Variants in FOXP1 observed in about 807,000 individuals in gnomAD.
FOXP1 encodes forkhead box protein P1.
Under a neutral mutation model 98.2 loss-of-function variants are expected in FOXP1, and 15 were observed. That is an observed-to-expected ratio of 0.15 (90% CI 0.10 to 0.24). The LOEUF (loss-of-function observed/expected upper bound fraction) is 0.24, where lower values mean the gene tolerates loss of function less well. Ranked by LOEUF, FOXP1 falls within the 10% of genes least tolerant of loss-of-function variation. FOXP1 has a pLI of 1.00. For missense variants in FOXP1, 633 were observed against 848.5 expected (o/e 0.75, Z 3.15); for synonymous variants, 371 against 314.5 (o/e 1.18, Z -1.90).
Position 71,470,334 on chromosome 3 carries a change from G to A in FOXP1, c.-168+23092C>T, listed in dbSNP as rs548324458. On this transcript the variant is annotated intron_variant, in intron 3 of 20. Coordinates refer to ENST00000649528, the MANE Select transcript of FOXP1 (RefSeq NM_001349338.3). ...TCAGTTAATTTGTACAAAGAGCTTAGTGGAATACCTAATACACAGCTAAGA... is the reference window on the plus strand; with the variant it reads ...TCAGTTAATTTGTACAAAGAGCTTAATGGAATACCTAATACACAGCTAAGA... Among the ~76,000 whole-genome samples, 4 of 152,344 alleles carry A rather than the reference G, an allele frequency of 2.6e-5. No homozygotes were observed. In the East Asian group the frequency reaches 5.8e-4, roughly 22 times the overall value.
intron 11 of FOXP1, among the ~76,000 whole-genome samples, chr3:71,027,111 G>A (rs1288797915): frequency 6.6e-6 from 1 of 152,088 alleles, no homozygotes; most frequent in Admixed American, 6.5e-5. Flanking sequence ...TACAGACATA[G>A]GGATCACTAA....
chr3:70,975,061 G>T (rs1388389941), intron 17 of FOXP1, among the ~76,000 whole-genome samples: 1 of 152,150 alleles, frequency 6.6e-6, no homozygotes, highest in East Asian at 1.9e-4. Context: ...GACACGTACA[G>T]AAAATTATAC....
At chr3:71,215,024 C>A (rs979648327) in intron 5 of FOXP1, among the ~76,000 whole-genome samples, 2 of 152,200 alleles carry the variant, frequency 1.3e-5, no homozygotes, top group African/African-American at 4.8e-5. Context: ...GTTAGATATG[C>A]AAATTCCTGA....
rs141718186 is a variant in FOXP1 at position 71,266,523 on chromosome 3, A to T, written c.-12+33297T>A. ...CACCTCAGCTTCCCAAAGTGCTGAG[A>T]TTACAGGCATGAGCCACTGCGCCTG... On this transcript the variant is annotated intron_variant, in intron 5 of 20. Transcript: ENST00000649528. Among the ~76,000 whole-genome samples the T allele has an allele frequency of 0.012, 1,861 of 152,284 alleles. 96 individuals are homozygous for T. The East Asian group carries it at 0.18, about 15-fold the overall frequency.
At chr3:71,530,873 A>G (rs1079409) in intron 2 of FOXP1, among the ~76,000 whole-genome samples, 1 of 151,790 alleles carries the variant, frequency 6.6e-6, no homozygotes, top group Non-Finnish European at 1.5e-5. Flanking sequence ...GAAGAAAACT[A>G]CCCCCCAACC....
At chr3:71,555,794 G>A (rs1235247463) in intron 2 of FOXP1, among the ~76,000 whole-genome samples, 1 of 151,966 alleles carries the variant, frequency 6.6e-6, no homozygotes, top group Non-Finnish European at 1.5e-5. Flanking sequence ...TTATAGAGAA[G>A]TATTATTTAA....
chr3:71,234,449 AT>A, intron 5 of FOXP1, among the ~76,000 whole-genome samples: 1 of 152,318 alleles, frequency 6.6e-6, no homozygotes, highest in East Asian at 1.9e-4. Context: ...ACAATAAAAT[AT>A]GGGTGAGTGG....
At chr3:71,213,670 G>T (rs2064683071) in intron 5 of FOXP1, among the ~76,000 whole-genome samples, 1 of 152,080 alleles carries the variant, frequency 6.6e-6, no homozygotes, top group Non-Finnish European at 1.5e-5. Flanking sequence ...ACAAAAATTA[G>T]CCGGGTGTGC....
At chr3:71,192,141 A>G (rs1424446391) in intron 6 of FOXP1, among the ~76,000 whole-genome samples, 2 of 152,226 alleles carry the variant, frequency 1.3e-5, no homozygotes, top group African/African-American at 4.8e-5. Flanking sequence ...GTCAGCATCA[A>G]GAGACCCTCC....
At chr3:71,045,265 T>C (rs1376402021) in intron 10 of FOXP1, among the ~76,000 whole-genome samples, 1 of 152,222 alleles carries the variant, frequency 6.6e-6, no homozygotes. Context: ...CCAGTGTCTC[T>C]GATATGTTAC....
intron 3 of FOXP1, among the ~76,000 whole-genome samples, chr3:71,469,002 C>A (rs1161170750): frequency 6.6e-6 from 1 of 152,150 alleles, no homozygotes; most frequent in Non-Finnish European, 1.5e-5. Context: ...ACTTCCAACT[C>A]AGAGCAATTC....
At chr3:71,416,002 C>A (rs894912685) in intron 3 of FOXP1, among the ~76,000 whole-genome samples, 1 of 152,186 alleles carries the variant, frequency 6.6e-6, no homozygotes, top group Non-Finnish European at 1.5e-5. Context: ...GATAGACCAA[C>A]TACTATCAAT....
At chr3:71,314,074 T>G (rs184282884) in intron 4 of FOXP1, among the ~76,000 whole-genome samples, 10 of 152,158 alleles carry the variant, frequency 6.6e-5, no homozygotes, top group Admixed American at 6.5e-4. Flanking sequence ...TTTGCTTTTG[T>G]AGAATAAATG....
intron 4 of FOXP1, among the ~76,000 whole-genome samples, chr3:71,347,930 A>G (rs1017011869): frequency 6.6e-6 from 1 of 152,106 alleles, no homozygotes; most frequent in Non-Finnish European, 1.5e-5. Flanking sequence ...ACAGGGATAC[A>G]GTCCAAGAGC....
At chr3:71,520,713 G>A (rs557001811) in intron 2 of FOXP1, among the ~76,000 whole-genome samples, 35 of 152,276 alleles carry the variant, frequency 2.3e-4, no homozygotes, top group African/African-American at 7.0e-4. Flanking sequence ...GAAACCTGTC[G>A]GTCTTGTGTC....
intron 6 of FOXP1, among the ~76,000 whole-genome samples, chr3:71,170,877 A>G (rs1306888198): frequency 6.6e-6 from 1 of 152,164 alleles, no homozygotes; most frequent in East Asian, 1.9e-4. Context: ...TCCAGCCACA[A>G]TGAATTCAAA....
At chr3:71,322,563 T>C (rs978956754) in intron 4 of FOXP1, among the ~76,000 whole-genome samples, 2 of 152,154 alleles carry the variant, frequency 1.3e-5, no homozygotes, top group African/African-American at 4.8e-5. Flanking sequence ...TTCATTTTTA[T>C]AGGACAGAAA....
At chr3:71,148,249 C>A (rs2060408446) in intron 6 of FOXP1, among the ~76,000 whole-genome samples, 1 of 152,094 alleles carries the variant, frequency 6.6e-6, no homozygotes, top group African/African-American at 2.4e-5. Context: ...TGGTGACAGG[C>A]ACCTGTAATC....
chr3:71,108,038 T>A (rs1448675945), intron 7 of FOXP1, among the ~76,000 whole-genome samples: 1 of 152,102 alleles, frequency 6.6e-6, no homozygotes, highest in Non-Finnish European at 1.5e-5. Flanking sequence ...ACACATGACA[T>A]CACCTTGGAA....
Sources: allele counts gnomAD v4.1 joint callset (sites outside exome capture counted in the v4.1 genomes callset), GRCh38; gene constraint gnomAD v4.1.1; transcripts MANE v1.5; gene names NCBI Gene and HGNC (gene_info 2026-07-23, HGNC 2026-07-21).